Variants in ZNF367 observed in about 807,000 individuals in gnomAD.
ZNF367 encodes the protein zinc finger protein 367.
A neutral mutation model predicts 31.8 loss-of-function variants in ZNF367; 11 were observed. The observed-to-expected ratio is 0.35, with a 90% CI of 0.22 to 0.57. The LOEUF (loss-of-function observed/expected upper bound fraction) is 0.57, where lower values mean the gene tolerates loss of function less well. ZNF367 is among the 20% of genes least tolerant of loss of function. ZNF367 has a pLI of 0.85. For synonymous variants in ZNF367, 199 were observed against 202.4 expected (o/e 0.98, Z 0.14); for missense variants, 353 against 484.1 (o/e 0.73, Z 2.54).
chr9:96,400,927 CAAGA>C (rs1400256815), intron 1 of ZNF367, among the ~76,000 whole-genome samples: 1 of 152,156 alleles, frequency 6.6e-6, no homozygotes. Context: ...TTGAAAGCAG[CAAGA>C]AAGTAGTGAC....
chr9:96,412,512 C>T (rs978961403), intron 1 of ZNF367, among the ~76,000 whole-genome samples: 2 of 152,250 alleles, frequency 1.3e-5, no homozygotes, highest in African/African-American at 4.8e-5. Flanking sequence ...GATTTAGATA[C>T]AAACTTCCCA....
intron 1 of ZNF367, among the ~76,000 whole-genome samples, chr9:96,413,306 G>C (rs1831775801): frequency 6.6e-6 from 1 of 152,142 alleles, no homozygotes; most frequent in Non-Finnish European, 1.5e-5. Context: ...TCTGTGCCAG[G>C]CAATAAATAG....
rs1231616468 is a variant in ZNF367, at chr9:96,398,154, C to T, written c.571+10G>A. On this transcript the variant is annotated intron_variant, in intron 2 of 4. Transcript: ENST00000375256. The stretch of plus-strand genomic sequence containing the variant: ...CTTCTGGCAGTCTCTATAAAATTTG[C>T]TCAACTTACCTGTATGAGTCCTTTT... 3.2e-6 allele frequency: 4 copies of T among 1,248,478 alleles called. No homozygotes were observed. In the Admixed American group the frequency reaches 9.7e-5, roughly 30 times the overall value. 77.3% of individuals were successfully genotyped at this position (1,248,478 alleles called of 1,614,324 possible).
chr9:96,409,056 TCTGA>T (rs970847192), intron 1 of ZNF367, among the ~76,000 whole-genome samples: 1 of 148,140 alleles, frequency 6.8e-6, no homozygotes, highest in African/African-American at 2.5e-5. Context: ...TACCATGAGA[TCTGA>T]CTGTTAAAAA....
chr9:96,417,333 G>A lies in ZNF367; in HGVS notation c.420+280C>T, dbSNP rs1411708298. 6.6e-6 allele frequency among the ~76,000 whole-genome samples: 1 copy of A among 152,076 alleles called. No individual in the cohort carries two copies. The highest frequency in any genetic ancestry group is 1.5e-5 in the Non-Finnish European group (1 of 67,998). On this transcript the variant is annotated intron_variant, in intron 1 of 4. Transcript: ENST00000375256. This position sits in a 1 kb window ranked among gnomAD's most constrained non-coding sequence, Gnocchi z 5.0. ...TCGGCAGCCCGCCGGGAGGATGTCA[G>A]TGGCCGTTGACCCGGCCTCCCCAGC...
chr9:96,391,839 G>A (rs1270428969), intron 4 of ZNF367, among the ~76,000 whole-genome samples: 1 of 151,960 alleles, frequency 6.6e-6, no homozygotes, highest in East Asian at 1.9e-4. Flanking sequence ...AGTGCAGTGG[G>A]GCCATCTTGG....
intron 4 of ZNF367, among the ~76,000 whole-genome samples, chr9:96,390,700 G>T (rs1173290657): frequency 1.3e-5 from 2 of 151,824 alleles, no homozygotes; most frequent in Non-Finnish European, 2.9e-5. Context: ...CGTGGGCAAC[G>T]TGACAAGACC....
At chr9:96,413,498 G>A (rs1044348632) in intron 1 of ZNF367, among the ~76,000 whole-genome samples, 4 of 152,134 alleles carry the variant, frequency 2.6e-5, no homozygotes, top group African/African-American at 4.8e-5. Flanking sequence ...TACGGCAGCC[G>A]GTAGATCCTG....
intron 1 of ZNF367, among the ~76,000 whole-genome samples, chr9:96,399,903 A>G (rs1831580705): frequency 1.3e-5 from 2 of 152,218 alleles, no homozygotes; most frequent in Non-Finnish European, 2.9e-5. Flanking sequence ...CAAAGAACAC[A>G]GAATTTAGAA....
At chr9:96,415,221 ATTTTTTTT>A (rs775576212) in intron 1 of ZNF367, among the ~76,000 whole-genome samples, 1 of 128,902 alleles carries the variant, frequency 7.8e-6, no homozygotes, top group Non-Finnish European at 1.6e-5. Context: ...CCCCTGGCCA[ATTTTTTTT>A]TTTTTTTTTT....
Position 96,394,839 on chromosome 9 carries a change from A to G in ZNF367, c.675T>C (p.Phe225=). ...ACACCGTACCATTTTCTGAACAAAC[A>G]AAAGGTTTCTCTCCGGTGTGAAGAC... ...HQRLHTGEKP[F]VCSENGCLSR... is the part of the protein sequence containing the mutation. The change falls in exon 3 of 5, where the codon TTT becomes TTC. Residue 225 remains phenylalanine (F), a synonymous_variant. Transcript: ENST00000375256. The G allele has an allele frequency of 1.2e-6, 2 of 1,613,926 alleles. No homozygotes were observed. Among genetic ancestry groups the G allele is most frequent in the Non-Finnish European group, 1.7e-6 (2 of 1,179,850 alleles).
intron 1 of ZNF367, among the ~76,000 whole-genome samples, chr9:96,410,541 AAC>A (rs1831732461): frequency 7.0e-6 from 1 of 143,222 alleles, no homozygotes; most frequent in Non-Finnish European, 1.5e-5. Context: ...CAGCCTGGGC[AAC>A]AGAGAGAGAC....
At position 96,418,007 on chromosome 9, in the gene ZNF367, A is replaced by G; in HGVS notation, c.26T>C (p.Met9Thr). 1 of 1,398,322 alleles carries G rather than the reference A, an allele frequency of 7.2e-7. No individual in the cohort carries two copies. The highest frequency in any genetic ancestry group is 9.2e-7 in the Non-Finnish European group (1 of 1,083,972). The allele number at this position is 1,398,322 out of a possible 1,614,324, so 86.6% of individuals were successfully genotyped here. ...CGGCGGCGGCGGCGGGTTCTCCGCC[A>G]TGGGCGCCTCGAAGCCCCGGATCAT... Reference protein sequence around the residue: MIRGFEAPMAENPPPPPPP... With the variant: MIRGFEAPTAENPPPPPPP... The change falls in exon 1 of 5, where the codon ATG becomes ACG. Residue 9 changes from methionine (M) to threonine (T), a missense_variant. Physicochemically the swap from Met to Thr is moderately conservative, Grantham distance 81 (BLOSUM62 -1). This residue lies in a region of ZNF367 where 94 missense variants were observed against 86.7 expected (regional missense o/e 1.08). Coordinates refer to ENST00000375256, the MANE Select transcript of ZNF367 (RefSeq NM_153695.4).
chr9:96,409,044 G>A (rs1831707907), intron 1 of ZNF367, among the ~76,000 whole-genome samples: 1 of 151,112 alleles, frequency 6.6e-6, no homozygotes, highest in African/African-American at 2.4e-5. Context: ...CGCTCATATT[G>A]TTACCATGAG....
intron 2 of ZNF367, among the ~76,000 whole-genome samples, 173 bp downstream of exon 2, chr9:96,397,991 G>C (rs1270264523): frequency 1.3e-5 from 2 of 149,560 alleles, no homozygotes; most frequent in African/African-American, 2.5e-5. Context: ...TCAGGAGGCT[G>C]AGGCAAGAGA....
At chr9:96,400,003 A>G (rs1225054554) in intron 1 of ZNF367, among the ~76,000 whole-genome samples, 4 of 152,226 alleles carry the variant, frequency 2.6e-5, no homozygotes, top group African/African-American at 9.6e-5. Flanking sequence ...TCACATTATA[A>G]TATTCAAAAC....
chr9:96,404,047 T>G (rs1285981533), intron 1 of ZNF367, among the ~76,000 whole-genome samples: 4 of 151,706 alleles, frequency 2.6e-5, no homozygotes, highest in East Asian at 1.9e-4. Flanking sequence ...TACAAAAAGT[T>G]AGCAGAGCAG....
chr9:96,393,176 C>T (rs1356211911), intron 3 of ZNF367, among the ~76,000 whole-genome samples: 1 of 152,196 alleles, frequency 6.6e-6, no homozygotes, highest in East Asian at 1.9e-4. Context: ...CAAAGCTACA[C>T]GTGTGAAAAC....
At chr9:96,397,719 C>T (rs1470017623) in intron 2 of ZNF367, among the ~76,000 whole-genome samples, 1 of 152,132 alleles carries the variant, frequency 6.6e-6, no homozygotes, top group Non-Finnish European at 1.5e-5. Flanking sequence ...AAAAACTTCA[C>T]AACTAATAGT....
Sources: allele counts gnomAD v4.1 joint callset (sites outside exome capture counted in the v4.1 genomes callset), GRCh38; gene constraint gnomAD v4.1.1; regional missense constraint gnomAD v4.1.1; non-coding constraint Gnocchi (gnomAD v3.1); transcripts MANE v1.5; gene names NCBI Gene and HGNC (gene_info 2026-07-23, HGNC 2026-07-21).